The following CNTN1 variants were observed in gnomAD, a reference collection of about 807,000 sequenced individuals.
The protein encoded by CNTN1 is contactin-1.
A neutral mutation model predicts 126.4 loss-of-function variants in CNTN1; 38 were observed. That is an observed-to-expected ratio of 0.30 (90% confidence interval 0.23 to 0.39). The LOEUF (loss-of-function observed/expected upper bound fraction) is 0.39, where lower values mean the gene tolerates loss of function less well. Ranked by LOEUF, CNTN1 falls within the 10% of genes least tolerant of loss-of-function variation. CNTN1 has a pLI of 1.00. For synonymous variants in CNTN1, 413 were observed against 422.6 expected, an observed-to-expected ratio of 0.98 and a Z score of 0.28; for missense variants, 1,009 against 1,248.4, an observed-to-expected ratio of 0.81 and a Z score of 2.89.
At chr12:40,798,437 A>T (rs1940526153) in intron 1 of CNTN1, among the ~76,000 whole-genome samples, 1 of 152,024 alleles carries the variant, frequency 6.6e-6, no homozygotes, top group Non-Finnish European at 1.5e-5. Flanking sequence ...CATTGCCTAT[A>T]GACCTGCAGC....
chr12:40,692,752 G>C (rs1391840054), intron 1 of CNTN1, among the ~76,000 whole-genome samples, 160 bp downstream of exon 1: 1 of 152,270 alleles, frequency 6.6e-6, no homozygotes, highest in Non-Finnish European at 1.5e-5. Flanking sequence ...CTGGGGCGGA[G>C]GTGGCTGGGG....
At chr12:40,831,449 G>GC (rs895958051) in intron 1 of CNTN1, among the ~76,000 whole-genome samples, 3 of 151,986 alleles carry the variant, frequency 2.0e-5, no homozygotes, top group Non-Finnish European at 4.4e-5. Context: ...GAAAACTTTT[G>GC]CAAGTATGAA....
intron 1 of CNTN1, among the ~76,000 whole-genome samples, chr12:40,752,105 A>G (rs2136399659): frequency 6.6e-6 from 1 of 152,258 alleles, no homozygotes; most frequent in South Asian, 2.1e-4. Context: ...CATTAACAAA[A>G]TAAATTTGGA....
chr12:40,746,838 C>T (rs1938205326), intron 1 of CNTN1, among the ~76,000 whole-genome samples: 1 of 152,022 alleles, frequency 6.6e-6, no homozygotes, highest in Non-Finnish European at 1.5e-5. Flanking sequence ...ATGCTTGAGC[C>T]CACTCACCCA....
At chr12:41,065,404 A>G (rs1950028469) in intron 23 of CNTN1, among the ~76,000 whole-genome samples, 1 of 152,164 alleles carries the variant, frequency 6.6e-6, no homozygotes, top group Non-Finnish European at 1.5e-5. Context: ...TCCTGTTAAA[A>G]TTAAATAGCC....
intron 23 of CNTN1, among the ~76,000 whole-genome samples, chr12:41,065,457 T>C (rs1034231071): frequency 6.6e-6 from 1 of 152,182 alleles, no homozygotes; most frequent in Non-Finnish European, 1.5e-5. Flanking sequence ...GCCAGAGTTA[T>C]TGACTGGATG....
At chr12:40,876,493 C>T (rs537762169) in intron 1 of CNTN1, among the ~76,000 whole-genome samples, 1 of 152,086 alleles carries the variant, frequency 6.6e-6, no homozygotes, top group Non-Finnish European at 1.5e-5. Context: ...AGGCATGTTT[C>T]TTATTTATTG....
chr12:40,721,386 T>A (rs1942207503), intron 1 of CNTN1, among the ~76,000 whole-genome samples: 1 of 152,136 alleles, frequency 6.6e-6, no homozygotes, highest in Admixed American at 6.5e-5. Context: ...AGGTTCTTTA[T>A]GTCATATAAA....
chr12:40,772,355 TG>T (rs2136434308), intron 1 of CNTN1, among the ~76,000 whole-genome samples: 2 of 152,144 alleles, frequency 1.3e-5, no homozygotes, highest in Admixed American at 1.3e-4. Context: ...CTTATCACAA[TG>T]TAATAGATGA....
intron 5 of CNTN1, among the ~76,000 whole-genome samples, chr12:40,922,858 C>G (rs973947563): frequency 3.3e-5 from 5 of 151,458 alleles, no homozygotes; most frequent in African/African-American, 1.2e-4. Context: ...GTAATCCCAG[C>G]TACTCGGGAG....
chr12:40,730,026 A>G (rs1942454205), intron 1 of CNTN1: 1 of 152,240 alleles, frequency 6.6e-6, no homozygotes, highest in Admixed American at 6.5e-5. Context: ...AGAAAGGACT[A>G]TAGCAATTTC....
chr12:41,042,797 C>G (rs1301998426), intron 23 of CNTN1, among the ~76,000 whole-genome samples: 2 of 152,054 alleles, frequency 1.3e-5, no homozygotes, highest in African/African-American at 2.4e-5. Flanking sequence ...GGTACCAAAA[C>G]AGAGATATAG....
intron 1 of CNTN1, among the ~76,000 whole-genome samples, chr12:40,883,296 T>TA (rs1943931745): frequency 6.6e-6 from 1 of 151,580 alleles, no homozygotes; most frequent in African/African-American, 2.4e-5. Flanking sequence ...ATGAGGATGA[T>TA]ATAGTCATGG....
At position 40,828,604 on chromosome 12, in the gene CNTN1, C is replaced by T. The variant is rs565798830; in HGVS notation, c.-76-79753C>T. ...AGCTGAATCAATAAGTGGAAATTAC[C>T]TCCTTGTGGGGAAGTTTTAGCACGG... On this transcript the variant is annotated intron_variant, in intron 1 of 23. Transcript: ENST00000551295. Among the ~76,000 whole-genome samples, 4 of 152,230 alleles carry T rather than the reference C, an allele frequency of 2.6e-5. No individual in the cohort carries two copies. The East Asian group carries it at 7.7e-4, about 29-fold the overall frequency.
chr12:40,739,423 G>T (rs1165892335), intron 1 of CNTN1, among the ~76,000 whole-genome samples: 3 of 151,958 alleles, frequency 2.0e-5, no homozygotes, highest in African/African-American at 4.8e-5. Context: ...GTGTAAGAAT[G>T]ATTAAAAAAC....
chr12:40,757,956 G>T (rs1455648037), intron 1 of CNTN1, among the ~76,000 whole-genome samples: 1 of 151,786 alleles, frequency 6.6e-6, no homozygotes, highest in Non-Finnish European at 1.5e-5. Flanking sequence ...AAATAGCATG[G>T]TATAGTAGAA....
intron 23 of CNTN1, among the ~76,000 whole-genome samples, chr12:41,060,170 C>A (rs73126948): frequency 0.12 from 18,049 of 152,160 alleles, 1,264 homozygotes; most frequent in Non-Finnish European, 0.16. Context: ...CCCACAAACA[C>A]CAGCCAGTCT....
chr12:40,698,465 T>A (rs1363169685), intron 1 of CNTN1, among the ~76,000 whole-genome samples: 1 of 152,000 alleles, frequency 6.6e-6, no homozygotes, highest in Non-Finnish European at 1.5e-5. Flanking sequence ...CTTGATCTCC[T>A]GACCTTGTGA....
In CNTN1 at chr12:40,937,550, T is replaced by G; in HGVS notation, c.1111-20T>G. On this transcript the variant is annotated intron_variant, in intron 10 of 23. Transcript: ENST00000551295. ...CTATTAAAGTTCATTGAGAATATGT[T>G]TCAATTTTATTCTTTTCAGTATCAT... 7.0e-7 allele frequency: 1 copy of G among 1,429,338 alleles called. No homozygotes were observed. The highest frequency in any genetic ancestry group is 9.9e-7 in the Non-Finnish European group (1 of 1,011,778). The allele number at this position is 1,429,338 out of a possible 1,614,324, so 88.5% of individuals were successfully genotyped here. A position where few individuals can be genotyped will look rare whatever the true frequency, so the allele number is the denominator to read the frequency against.
Sources: allele counts gnomAD v4.1 joint callset (sites outside exome capture counted in the v4.1 genomes callset), GRCh38; gene constraint gnomAD v4.1.1; transcripts MANE v1.5; gene names NCBI Gene and HGNC (gene_info 2026-07-23, HGNC 2026-07-21).